Variants in EDNRB observed in about 807,000 individuals in gnomAD.
EDNRB encodes Hirschsprung disease 2.
Under a neutral mutation model 46.4 loss-of-function variants are expected in EDNRB, and 18 were observed. That is an observed-to-expected ratio of 0.39 (90% confidence interval 0.27 to 0.57). EDNRB has a LOEUF of 0.57. Ranked by LOEUF, EDNRB falls within the 20% of genes least tolerant of loss-of-function variation. EDNRB has a pLI of 0.61. For missense variants in EDNRB, 434 were observed against 537.5 expected (o/e 0.81, Z 1.90); for synonymous variants, 213 against 204.9 (o/e 1.04, Z -0.34).
chr13:77,951,622 G>T (rs920116055), intron 1 of EDNRB, among the ~76,000 whole-genome samples: 1 of 152,188 alleles, frequency 6.6e-6, no homozygotes, highest in Non-Finnish European at 1.5e-5. Context: ...GAACAAGGCT[G>T]ATGAATACGA....
intron 1 of EDNRB, among the ~76,000 whole-genome samples, chr13:77,943,260 T>C (rs1009395128): frequency 6.6e-6 from 1 of 152,148 alleles, no homozygotes; most frequent in East Asian, 1.9e-4. Flanking sequence ...TTAGAATTTA[T>C]GTATCTCATC....
chr13:77,973,780 CT>C (rs556379433), intron 1 of EDNRB, among the ~76,000 whole-genome samples: 10 of 151,858 alleles, frequency 6.6e-5, no homozygotes, highest in East Asian at 1.9e-4. Context: ...CTTTTATAAC[CT>C]TTTTTTTCAT....
At chr13:77,947,212 T>C in intron 1 of EDNRB, among the ~76,000 whole-genome samples, 1 of 152,162 alleles carries the variant, frequency 6.6e-6, no homozygotes, top group African/African-American at 2.4e-5. Context: ...TATCATTTTA[T>C]TGGCACTGTT....
intron 1 of EDNRB, among the ~76,000 whole-genome samples, chr13:77,953,084 GT>G (rs1213336571): frequency 6.6e-6 from 1 of 152,152 alleles, no homozygotes; most frequent in African/African-American, 2.4e-5. Flanking sequence ...TTATCTTTTA[GT>G]TGTACATCCT....
At chr13:77,925,250 A>T (rs1193948883) in intron 1 of EDNRB, among the ~76,000 whole-genome samples, 3 of 152,224 alleles carry the variant, frequency 2.0e-5, no homozygotes, top group Non-Finnish European at 2.9e-5. Context: ...TTTTAAGGCT[A>T]AATAATATCC....
At chr13:77,934,095 C>T (rs937802818) in intron 1 of EDNRB, among the ~76,000 whole-genome samples, 1 of 152,068 alleles carries the variant, frequency 6.6e-6, no homozygotes, top group Non-Finnish European at 1.5e-5. Flanking sequence ...GCTGTGATGG[C>T]TTGGAGAAGC....
intron 3 of EDNRB, 144 bp downstream of exon 3, chr13:77,903,012 T>G: frequency 2.3e-6 from 2 of 865,506 alleles, no homozygotes; most frequent in Non-Finnish European, 3.6e-6. Context: ...CACCATTAAC[T>G]CCACAGTCCT....
intron 1 of EDNRB, among the ~76,000 whole-genome samples, chr13:77,941,442 T>G (rs527802516): frequency 1.9e-4 from 29 of 152,362 alleles, no homozygotes; most frequent in African/African-American, 6.5e-4. Flanking sequence ...CCACAGTTAC[T>G]TGTATTGCAC....
chr13:77,975,153 C>T (rs12720108), intron 1 of EDNRB, among the ~76,000 whole-genome samples: 2,169 of 152,282 alleles, frequency 0.014, 43 homozygotes, highest in East Asian at 0.024. Flanking sequence ...AGTGCCGGTA[C>T]AGGCACACCA....
intron 1 of EDNRB, among the ~76,000 whole-genome samples, chr13:77,961,905 A>G (rs1881424891): frequency 6.6e-6 from 1 of 152,208 alleles, no homozygotes; most frequent in African/African-American, 2.4e-5. Flanking sequence ...AGAAGACAAG[A>G]GAGAAGAATC....
rs773530703 is a variant in EDNRB at position 77,899,881 on chromosome 13, T to C, written c.1172A>G (p.Lys391Arg). ...INPIALYLVS[K>R]RFKNCFKSCL... ...TACCTTAAAGCAGTTTTTGAATCTT[T>C]TGCTCACCAAATACAGAGCAATTGG... The change falls in exon 6 of 7, where the codon AAA becomes AGA. Residue 391 changes from lysine to arginine, a missense_variant. Lys to Arg is a conservative substitution (Grantham distance 26). Coordinates refer to ENST00000646607, the MANE Select transcript of EDNRB (RefSeq NM_001122659.3). The C allele has an allele frequency of 8.1e-6, 13 of 1,611,702 alleles. No individual in the cohort carries two copies. The East Asian group carries it at 2.2e-4, about 28-fold the overall frequency.
chr13:77,962,655 G>C (rs1410558769), intron 1 of EDNRB, among the ~76,000 whole-genome samples: 1 of 152,148 alleles, frequency 6.6e-6, no homozygotes, highest in African/African-American at 2.4e-5. Flanking sequence ...CAAACTCACA[G>C]CCAGTATCAT....
chr13:77,897,935 A>G lies in EDNRB; in HGVS notation c.*265T>C. The G allele has an allele frequency of 8.3e-7, 1 of 1,203,556 alleles. No homozygotes were observed. The highest frequency in any genetic ancestry group is 1.0e-6 in the Non-Finnish European group (1 of 960,636). The allele number at this position is 1,203,556 out of a possible 1,614,324, so 74.6% of individuals were successfully genotyped here. On this transcript the variant is annotated 3_prime_UTR_variant, in exon 7 of 7. Transcript: ENST00000646607. ...TTGTGTGAATATCCTGGAAGTTGTT[A>G]AGAGCTATGTTGAAGTGCTAACTGT...
intron 1 of EDNRB, among the ~76,000 whole-genome samples, chr13:77,909,942 T>C (rs941243478): frequency 7.9e-5 from 12 of 151,944 alleles, no homozygotes; most frequent in African/African-American, 2.7e-4. Context: ...GGCTGGACTC[T>C]TGTTGGAGTT....
intron 1 of EDNRB, among the ~76,000 whole-genome samples, chr13:77,906,574 C>T (rs1441396157): frequency 6.6e-6 from 1 of 152,008 alleles, no homozygotes; most frequent in African/African-American, 2.4e-5. Flanking sequence ...CATGAGGACA[C>T]TCAAGCACCT....
intron 1 of EDNRB, among the ~76,000 whole-genome samples, chr13:77,935,547 T>C (rs1413185749): frequency 2.6e-5 from 4 of 152,110 alleles, no homozygotes; most frequent in Admixed American, 2.6e-4. Context: ...AGGAGTTGTT[T>C]TGTAGAAGGT....
chr13:77,930,042 C>T (rs1035119585), intron 1 of EDNRB, among the ~76,000 whole-genome samples: 11 of 152,026 alleles, frequency 7.2e-5, no homozygotes, highest in East Asian at 1.9e-4. Context: ...ATGGAATTCT[C>T]GTAGTTATGG....
intron 1 of EDNRB, among the ~76,000 whole-genome samples, chr13:77,972,041 G>T (rs77532191): frequency 0.27 from 40,881 of 152,026 alleles, 6,688 homozygotes; most frequent in East Asian, 0.56. Flanking sequence ...ATGCTAAGTT[G>T]CCTCCCTGTC....
At chr13:77,919,494 C>A, upstream of EDNRB, 1 of 1,612,822 alleles carries the variant, frequency 6.2e-7, no homozygotes, top group Non-Finnish European at 8.5e-7. Flanking sequence ...GGGAGAGGAG[C>A]ACGCCTCCCT....
Sources: gnomAD v4.1 joint callset for allele counts (sites outside exome capture counted in the v4.1 genomes callset) on GRCh38, gnomAD v4.1.1 for gene constraint, MANE v1.5 for transcripts, NCBI Gene and HGNC (gene_info 2026-07-23, HGNC 2026-07-21) for gene names.